The following FHIP1B variants were observed in gnomAD, a reference collection of about 807,000 sequenced individuals.
The protein encoded by FHIP1B is FHF complex subunit HOOK-interacting protein 1B.
In FHIP1B, 28 loss-of-function variants were observed where a neutral mutation model predicts 82.2. The observed-to-expected ratio is 0.34, with a 90% CI of 0.25 to 0.47. FHIP1B has a LOEUF of 0.47. Ranked by LOEUF, FHIP1B falls within the 20% of genes least tolerant of loss-of-function variation. The pLI is 1.00. For synonymous variants in FHIP1B, 585 were observed against 516.1 expected (o/e 1.13, Z -1.81); for missense variants, 1,110 against 1,262.6 (o/e 0.88, Z 1.83).
In FHIP1B at chr11:6,224,624, G is replaced by T; in HGVS notation, c.-108C>A. 1 of 1,169,730 alleles carries T rather than the reference G, an allele frequency of 8.5e-7. No homozygotes were observed. Among genetic ancestry groups the T allele is most frequent in the Non-Finnish European group, 1.2e-6 (1 of 844,416 alleles). 72.5% of individuals were successfully genotyped at this position (1,169,730 alleles called of 1,614,324 possible). On this transcript the variant is annotated 5_prime_UTR_variant, in exon 2 of 12. Coordinates refer to ENST00000449352, the MANE Select transcript of FHIP1B (RefSeq NM_001098794.2). ...AGTCTGCTTCATCCGGTCTGTAGGA[G>T]CCAGTAGCTGCCCATGGAGCCAGAG...
In FHIP1B at chr11:6,224,673, G is replaced by A. The variant is rs762633521; in HGVS notation, c.-157C>T. On this transcript the variant is annotated 5_prime_UTR_variant, in exon 2 of 12. Coordinates refer to ENST00000449352, the MANE Select transcript of FHIP1B (RefSeq NM_001098794.2). ...AGGTTATACCAGGCTGGAATGGCAA[G>A]CCCAGAGGTCACTGGCCAGTCCAGA... is the stretch of plus-strand genomic sequence containing the variant. 4 of 698,536 alleles carry A rather than the reference G, an allele frequency of 5.7e-6. No homozygotes were observed. Among genetic ancestry groups the A allele is most frequent in the Non-Finnish European group, 9.4e-6 (4 of 427,370 alleles). 43.3% of individuals were successfully genotyped at this position (698,536 alleles called of 1,614,324 possible).
chr11:6,214,678 C>G, intron 10 of FHIP1B, 55 bp downstream of exon 10: 1 of 1,543,510 alleles, frequency 6.5e-7, no homozygotes, highest in Non-Finnish European at 8.8e-7. Flanking sequence ...ACTCCAGCTG[C>G]GGGCCTGGCC....
At chr11:6,211,973 G>A in intron 11 of FHIP1B, 106 bp from the exon 12 acceptor site, 1 of 1,439,838 alleles carries the variant, frequency 6.9e-7, no homozygotes, top group Non-Finnish European at 9.0e-7. Flanking sequence ...TCTCCTTTAG[G>A]GTTCTGAGGA....
At chr11:6,231,337 T>C (rs980150384) in intron 1 of FHIP1B, among the ~76,000 whole-genome samples, 4 of 152,086 alleles carry the variant, frequency 2.6e-5, no homozygotes, top group Admixed American at 1.3e-4. Context: ...GCAAAGACTA[T>C]GAATTCTGTT....
chr11:6,222,770 C>T, intron 5 of FHIP1B, 41 bp downstream of exon 5: 1 of 1,599,802 alleles, frequency 6.3e-7, no homozygotes, highest in Non-Finnish European at 8.6e-7. Context: ...GTTACCACTG[C>T]AGCTTAGCCC....
At chr11:6,213,157 C>A (rs905562465) in intron 11 of FHIP1B, among the ~76,000 whole-genome samples, 1 of 152,198 alleles carries the variant, frequency 6.6e-6, no homozygotes, top group African/African-American at 2.4e-5. Context: ...CAATACTAGA[C>A]CATGAAGAAA....
In FHIP1B at chr11:6,223,998, T is replaced by A; in HGVS notation, c.389A>T (p.Gln130Leu). The change falls in exon 3 of 12, where the codon CAA (glutamine) becomes CTA (leucine). Residue 130 changes from glutamine (Q) to leucine (L), a missense_variant. Coordinates refer to ENST00000449352, the MANE Select transcript of FHIP1B (RefSeq NM_001098794.2). The surrounding 1 kb of genome is among the most constrained non-coding windows in gnomAD (Gnocchi z 4.8). Reference protein sequence around the residue: ...GDGVEERRAEQLKLFEMLVSE... With the variant: ...GDGVEERRAELLKLFEMLVSE... ...CACTAGCATTTCAAATAGTTTCAGT[T>A]GCTCAGCCCGCCGTTCCTCGACCCC... 6.2e-7 allele frequency: 1 copy of A among 1,613,748 alleles called. No homozygotes were observed. The highest frequency in any genetic ancestry group is 8.5e-7 in the Non-Finnish European group (1 of 1,179,818).
chr11:6,224,553 C>T lies in FHIP1B; in HGVS notation c.-37G>A. The T allele has an allele frequency of 6.4e-7, 1 of 1,564,394 alleles. No individual in the cohort carries two copies. Among genetic ancestry groups the T allele is most frequent in the Non-Finnish European group, 8.6e-7 (1 of 1,159,430 alleles). ...GGCAGGACTGGCAGCCAGAGGCCTA[C>T]ACTCTGAGGATTTGCCAGCTGGAGG... On this transcript the variant is annotated 5_prime_UTR_variant, in exon 2 of 12. Coordinates refer to ENST00000449352, the MANE Select transcript of FHIP1B (RefSeq NM_001098794.2).
chr11:6,231,469 CTTT>C (rs1167717523), intron 1 of FHIP1B, among the ~76,000 whole-genome samples: 2 of 125,320 alleles, frequency 1.6e-5, no homozygotes, highest in Non-Finnish European at 3.4e-5. Context: ...GATATATTTT[CTTT>C]TTTTTTTTTT....
At chr11:6,219,563 A>C (rs1462810092) in intron 6 of FHIP1B, among the ~76,000 whole-genome samples, 1 of 152,204 alleles carries the variant, frequency 6.6e-6, no homozygotes, top group Non-Finnish European at 1.5e-5. Flanking sequence ...TCACCTCTCT[A>C]ACACTAGTGT....
intron 6 of FHIP1B, among the ~76,000 whole-genome samples, chr11:6,220,767 G>A (rs751536394): frequency 1.3e-5 from 2 of 152,230 alleles, no homozygotes; most frequent in African/African-American, 2.4e-5. Flanking sequence ...AAGATAGTGA[G>A]TAAGAATCAA....
chr11:6,213,379 G>GC (rs1045360268), intron 11 of FHIP1B, among the ~76,000 whole-genome samples: 7 of 152,110 alleles, frequency 4.6e-5, no homozygotes, highest in African/African-American at 1.7e-4. Context: ...ATTCCTCCTT[G>GC]CTCTCTCCTC....
intron 11 of FHIP1B, among the ~76,000 whole-genome samples, chr11:6,213,461 C>T (rs1847131795): frequency 6.6e-6 from 1 of 152,172 alleles, no homozygotes. Flanking sequence ...TGCTCTCAAT[C>T]CCATTACTCC....
In FHIP1B at chr11:6,223,582, C is replaced by A. The variant is rs2133823511; in HGVS notation, c.777+28G>T. Reference sequence around the variant, plus strand: ...GCTGTTCAGTATCTACACACCACACCCTACCCTCCAAGCCAGGGGGTGCTA... The same window carrying A: ...GCTGTTCAGTATCTACACACCACACACTACCCTCCAAGCCAGGGGGTGCTA... On this transcript the variant is annotated intron_variant, in intron 3 of 11. Coordinates refer to ENST00000449352, the MANE Select transcript of FHIP1B (RefSeq NM_001098794.2). This position sits in a 1 kb window ranked among gnomAD's most constrained non-coding sequence, Gnocchi z 4.8. 2 of 1,555,174 alleles carry A rather than the reference C, an allele frequency of 1.3e-6. No individual in the cohort carries two copies. Among genetic ancestry groups the A allele is most frequent in the Non-Finnish European group, 8.7e-7 (1 of 1,150,694 alleles).
chr11:6,214,578 G>A lies in FHIP1B; in HGVS notation c.2395-5C>T. The A allele has an allele frequency of 6.2e-7, 1 of 1,609,272 alleles. No individual in the cohort carries two copies. The highest frequency in any genetic ancestry group is 8.5e-7 in the Non-Finnish European group (1 of 1,176,982). On this transcript the variant is annotated splice_region_variant and splice_polypyrimidine_tract_variant and intron_variant, in intron 10 of 11. Transcript: ENST00000449352. ...ATTCTTCACAGAGCCCAGCACCTAT[G>A]AAGCACACCTTCGTGACATTTCTGA...
chr11:6,214,331 C>T, intron 11 of FHIP1B, 80 bp downstream of exon 11: 1 of 1,468,180 alleles, frequency 6.8e-7, no homozygotes, highest in Non-Finnish European at 9.2e-7. Flanking sequence ...CAACATTTCA[C>T]TCTTAATAAG....
At position 6,211,641 on chromosome 11, in the gene FHIP1B, T is replaced by G; in HGVS notation, c.2784A>C (p.Ala928=). ...CCTTGAGAAATTCAGGGAAAATGAC[T>G]GCACAGTAGACAGCATTCTTGACTC... ...ALRVKNAVYC[A]VIFPEFLKEL... is the part of the protein sequence containing the mutation. The change falls in exon 12 of 12, where the codon GCA becomes GCC. Residue 928 remains alanine, a synonymous_variant. Coordinates refer to ENST00000449352, the MANE Select transcript of FHIP1B (RefSeq NM_001098794.2). 1 of 1,614,216 alleles carries G rather than the reference T, an allele frequency of 6.2e-7. No homozygotes were observed. Among genetic ancestry groups the G allele is most frequent in the Non-Finnish European group, 8.5e-7 (1 of 1,180,034 alleles).
At chr11:6,230,377 G>A (rs544979239) in intron 1 of FHIP1B, among the ~76,000 whole-genome samples, 3 of 152,298 alleles carry the variant, frequency 2.0e-5, no homozygotes, top group Admixed American at 2.0e-4. Flanking sequence ...GACATAAGGA[G>A]GATGAATGGG....
chr11:6,217,018 G>C, intron 9 of FHIP1B: 3 of 686,010 alleles, frequency 4.4e-6, no homozygotes, highest in Non-Finnish European at 8.0e-6. Flanking sequence ...TCTTCAATAT[G>C]GTTCAGAAAT....
Sources: allele counts gnomAD v4.1 joint callset (sites outside exome capture counted in the v4.1 genomes callset), GRCh38; gene constraint gnomAD v4.1.1; non-coding constraint Gnocchi (gnomAD v3.1); transcripts MANE v1.5; gene names NCBI Gene and HGNC (gene_info 2026-07-23, HGNC 2026-07-21).